The following PLEK variants were observed in gnomAD, a reference collection of about 807,000 sequenced individuals.
PLEK encodes the protein pleckstrin.
A neutral mutation model predicts 43.9 loss-of-function variants in PLEK; 25 were observed. The observed-to-expected ratio is 0.57, with a 90% CI of 0.41 to 0.79. The LOEUF (loss-of-function observed/expected upper bound fraction) is 0.79. Ranked by LOEUF, PLEK falls within the 30% of genes least tolerant of loss-of-function variation. PLEK has a pLI of 0.00. For synonymous variants in PLEK, 152 were observed against 144.4 expected, an observed-to-expected ratio of 1.05 and a Z score of -0.38; for missense variants, 396 against 413.3, an observed-to-expected ratio of 0.96 and a Z score of 0.36.
In PLEK at chr2:68,394,165, G is replaced by C; in HGVS notation, c.905G>C (p.Ser302Thr). ...GGCTGTGTGGTGACTTCAGTGGAGA[G>C]CAACTCAAATGGTAAGATGAATTTC... ...LRGCVVTSVE[S>T]NSNGRKSEEE... The change falls in exon 8 of 9, where the codon AGC (serine) becomes ACC (threonine). Residue 302 changes from serine (S) to threonine (T), a missense_variant. Transcript: ENST00000234313. 1 of 1,600,090 alleles carries C rather than the reference G, an allele frequency of 6.2e-7. No individual in the cohort carries two copies. The highest frequency in any genetic ancestry group is 8.6e-7 in the Non-Finnish European group (1 of 1,167,298).
intron 1 of PLEK, among the ~76,000 whole-genome samples, chr2:68,376,070 C>T (rs540219344): frequency 6.6e-6 from 1 of 152,286 alleles, no homozygotes; most frequent in East Asian, 1.9e-4. Context: ...CAGATAAAAT[C>T]TGATTAGCCC....
intron 1 of PLEK, 52 bp from the exon 2 acceptor site, chr2:68,380,276 T>C: frequency 1.4e-6 from 2 of 1,472,590 alleles, no homozygotes; most frequent in Non-Finnish European, 1.9e-6. Flanking sequence ...AGGAGGAAAA[T>C]ACAGTTTGCA....
At chr2:68,394,354 T>C (rs889910903) in intron 8 of PLEK, among the ~76,000 whole-genome samples, 178 bp downstream of exon 8, 3 of 152,172 alleles carry the variant, frequency 2.0e-5, no homozygotes, top group Non-Finnish European at 4.4e-5. Context: ...GGCAGATCAC[T>C]TGTGATCAGG....
chr2:68,371,782 A>G (rs1284121952), intron 1 of PLEK, among the ~76,000 whole-genome samples: 3 of 141,554 alleles, frequency 2.1e-5, no homozygotes, highest in Admixed American at 1.5e-4. Context: ...TCTGTATACA[A>G]CCACAACGAG....
chr2:68,389,755 TG>T (rs1158796483), intron 6 of PLEK, among the ~76,000 whole-genome samples: 1 of 152,128 alleles, frequency 6.6e-6, no homozygotes, highest in South Asian at 2.1e-4. Flanking sequence ...AAGAAAGGCA[TG>T]GGGCAGAGCC....
intron 1 of PLEK, among the ~76,000 whole-genome samples, chr2:68,371,410 G>C (rs976159497): frequency 2.6e-5 from 4 of 152,142 alleles, no homozygotes; most frequent in African/African-American, 9.7e-5. Context: ...AACAGGCTCT[G>C]GTTTACCTGC....
At chr2:68,383,980 A>G (rs35052538) in intron 4 of PLEK, among the ~76,000 whole-genome samples, 5,907 of 152,226 alleles carry the variant, frequency 0.039, 174 homozygotes, top group Non-Finnish European at 0.06. Flanking sequence ...TGAGAAAGTG[A>G]CAAGAACAAG....
chr2:68,395,742 TTGC>T lies in PLEK; in HGVS notation c.980_982del (p.Leu327_Gln328delinsTer). The T allele has an allele frequency of 6.2e-7, 1 of 1,613,778 alleles. No homozygotes were observed. Among genetic ancestry groups the T allele is most frequent in the Non-Finnish European group, 8.5e-7 (1 of 1,179,748 alleles). On this transcript the variant is annotated stop_gained and inframe_deletion, in exon 9 of 9. Transcript: ENST00000234313. LOFTEE classifies it high-confidence loss of function. ...CACAGCAGATGAAGTGCACTATTTC[TTGC>T]AAGCAGCCACCCCCAAGGAGCGCAC... is the stretch of plus-strand genomic sequence containing the variant.
Position 68,383,054 on chromosome 2 carries a change from T to C in PLEK, c.472+421T>C, listed in dbSNP as rs141523417. Among the ~76,000 whole-genome samples the C allele has an allele frequency of 1.6e-3, 249 of 152,336 alleles. 1 individual carries two copies. Among genetic ancestry groups the C allele is most frequent in the African/African-American group, 5.8e-3 (242 of 41,572 alleles). The stretch of plus-strand genomic sequence containing the variant: ...GCACAGGGTCAGGTATTAAGTGTTA[T>C]GAGTTTAGGTAGTATGGTGTAGTGG... On this transcript the variant is annotated intron_variant, in intron 4 of 8. Coordinates refer to ENST00000234313, the MANE Select transcript of PLEK (RefSeq NM_002664.3).
intron 1 of PLEK, among the ~76,000 whole-genome samples, chr2:68,373,952 T>A (rs774923177): frequency 2.3e-4 from 35 of 152,260 alleles, no homozygotes; most frequent in Non-Finnish European, 4.1e-4. Context: ...CTCATTCATT[T>A]AATAATTTTC....
intron 6 of PLEK, among the ~76,000 whole-genome samples, chr2:68,392,174 C>CCTTCTTCTTCTT (rs376729611): frequency 6.7e-5 from 10 of 149,378 alleles, no homozygotes; most frequent in African/African-American, 1.3e-4. Context: ...TCCTCCTCCT[C>CCTTCTTCTTCTT]CTTCTTCTTC....
At chr2:68,374,809 T>C (rs2103763451) in intron 1 of PLEK, among the ~76,000 whole-genome samples, 1 of 152,358 alleles carries the variant, frequency 6.6e-6, no homozygotes, top group East Asian at 1.9e-4. Context: ...ATGAGATTTA[T>C]TTATAATGTT....
intron 1 of PLEK, among the ~76,000 whole-genome samples, chr2:68,374,617 T>C (rs1673468725): frequency 6.6e-6 from 1 of 152,182 alleles, no homozygotes. Context: ...AACACACAGA[T>C]AAAGACAGAG....
intron 1 of PLEK, among the ~76,000 whole-genome samples, chr2:68,375,575 T>C (rs1380941617): frequency 1.3e-5 from 2 of 152,378 alleles, no homozygotes; most frequent in East Asian, 3.9e-4. Flanking sequence ...TAGGGTATTT[T>C]AATTTAGAAA....
intron 6 of PLEK, among the ~76,000 whole-genome samples, chr2:68,391,387 G>A (rs1673856025): frequency 6.6e-6 from 1 of 152,186 alleles, no homozygotes; most frequent in African/African-American, 2.4e-5. Flanking sequence ...AATGGTATGG[G>A]GTGGCAACTT....
At chr2:68,373,232 C>T (rs753468193) in intron 1 of PLEK, among the ~76,000 whole-genome samples, 2 of 152,104 alleles carry the variant, frequency 1.3e-5, no homozygotes, top group Non-Finnish European at 2.9e-5. Context: ...TTCCATCATC[C>T]TGACCTAACT....
At position 68,373,925 on chromosome 2, in the gene PLEK, A is replaced by T. The variant is rs925658024; in HGVS notation, c.43-6403A>T. The stretch of plus-strand genomic sequence containing the variant: ...AAGTATATTCTAAATTTTAATACAT[A>T]GCAGAGTCATATGTTACTCATTCAT... On this transcript the variant is annotated intron_variant, in intron 1 of 8. Coordinates refer to ENST00000234313, the MANE Select transcript of PLEK (RefSeq NM_002664.3). Among the ~76,000 whole-genome samples the T allele has an allele frequency of 2.0e-5, 3 of 152,220 alleles. No homozygotes were observed. In the South Asian group the frequency reaches 6.2e-4, roughly 32 times the overall value.
At position 68,396,203 on chromosome 2, in the gene PLEK, C is replaced by T. The variant is rs1419905824; in HGVS notation, c.*387C>T. ...AACACTCGCAGTAGTGATAGTGTAT[C>T]TAGTTGTTCTGCTGGTGTCCTTCCT... On this transcript the variant is annotated 3_prime_UTR_variant, in exon 9 of 9. Transcript: ENST00000234313. 5 of 178,506 alleles carry T rather than the reference C, an allele frequency of 2.8e-5. No homozygotes were observed. Among genetic ancestry groups the T allele is most frequent in the Admixed American group, 2.7e-4 (5 of 18,440 alleles). 11.1% of individuals were successfully genotyped at this position (178,506 alleles called of 1,614,324 possible). A position where few individuals can be genotyped will look rare whatever the true frequency, so the allele number is the denominator to read the frequency against.
chr2:68,380,927 C>A, intron 3 of PLEK, 23 bp downstream of exon 3: 2 of 1,596,376 alleles, frequency 1.3e-6, no homozygotes, highest in Non-Finnish European at 1.7e-6. Context: ...GTTTACTTCT[C>A]TTTACCCATT....
Sources: allele counts gnomAD v4.1 joint callset (sites outside exome capture counted in the v4.1 genomes callset), GRCh38; gene constraint gnomAD v4.1.1; transcripts MANE v1.5; gene names NCBI Gene and HGNC (gene_info 2026-07-23, HGNC 2026-07-21).